The following RPE variants were observed in gnomAD, a reference collection of about 807,000 sequenced individuals.
The protein encoded by RPE is ribulose-5-phosphate-3-epimerase.
A neutral mutation model predicts 24.6 loss-of-function variants in RPE; 16 were observed. The ratio of observed to expected loss-of-function variants is 0.65; its 90% CI spans 0.44 to 0.99. The LOEUF (loss-of-function observed/expected upper bound fraction) is 0.99. Ranked by LOEUF, RPE falls within the 50% of genes least tolerant of loss-of-function variation. The pLI is 0.00. For synonymous variants in RPE, 93 were observed against 98.4 expected, an observed-to-expected ratio of 0.94 and a Z score of 0.33; for missense variants, 240 against 294.5, an observed-to-expected ratio of 0.81 and a Z score of 1.35.
At chr2:210,012,532 T>C (rs896986080) in intron 2 of RPE, among the ~76,000 whole-genome samples, 2 of 152,264 alleles carry the variant, frequency 1.3e-5, no homozygotes, top group African/African-American at 4.8e-5. Context: ...GCTGCATTGC[T>C]GCATACTGGA....
At chr2:210,018,349 C>A in intron 5 of RPE, 1 of 1,404,750 alleles carries the variant, frequency 7.1e-7, no homozygotes, top group African/African-American at 1.5e-5. Flanking sequence ...AAAATCTAGG[C>A]CTGATACCTC....
intron 5 of RPE, among the ~76,000 whole-genome samples, chr2:210,019,353 T>C (rs150098080): frequency 2.5e-3 from 376 of 152,278 alleles, no homozygotes; most frequent in African/African-American, 8.8e-3. Context: ...GGAAAAACCT[T>C]AGTGGACTTG....
chr2:210,017,464 T>C lies in RPE; in HGVS notation c.478-9T>C. Reference sequence around the variant, plus strand: ...TAGGAGTTACTTATTTCCTCATGTATATATCTAGGTTCACTGGTTGAGGAC... The same window carrying C: ...TAGGAGTTACTTATTTCCTCATGTACATATCTAGGTTCACTGGTTGAGGAC... On this transcript the variant is annotated splice_polypyrimidine_tract_variant and intron_variant, in intron 4 of 5. Coordinates refer to ENST00000359429, the MANE Select transcript of RPE (RefSeq NM_199229.3). 1 of 1,476,996 alleles carries C rather than the reference T, an allele frequency of 6.8e-7. No individual in the cohort carries two copies. Among genetic ancestry groups the C allele is most frequent in the South Asian group, 1.1e-5 (1 of 88,582 alleles). The allele number at this position is 1,476,996 out of a possible 1,614,324, so 91.5% of individuals were successfully genotyped here.
chr2:210,016,639 A>G lies in RPE; in HGVS notation c.475A>G (p.Lys159Glu), dbSNP rs2093776306. The change falls in exon 4 of 6, where the codon AAG becomes GAG. Residue 159 changes from lysine (K) to glutamate (E), a missense_variant and splice_region_variant. Transcript: ENST00000359429. ...GQKFMEDMMP[K>E]VHWLRTQFPS... ...GAAATTCATGGAAGATATGATGCCAAAGGTAAAAGAAGTATTTGATTTTGG... is the reference window on the plus strand; with the variant it reads ...GAAATTCATGGAAGATATGATGCCAGAGGTAAAAGAAGTATTTGATTTTGG... 2 of 1,614,204 alleles carry G rather than the reference A, an allele frequency of 1.2e-6. No individual in the cohort carries two copies. Among genetic ancestry groups the G allele is most frequent in the Admixed American group, 3.3e-5 (2 of 60,024 alleles).
chr2:210,018,728 G>A, intron 5 of RPE: 1 of 984,616 alleles, frequency 1.0e-6, no homozygotes, highest in African/African-American at 1.7e-5. Context: ...CAAATTTTTT[G>A]TGTGAAAAAT....
In RPE at chr2:210,016,823, G is replaced by C. The variant is rs377244433; in HGVS notation, c.477+182G>C. ...ATAGATTTCTGATTTGGAAATCAGA[G>C]AAGTATTACATCTTTATCTTGAAAT... On this transcript the variant is annotated intron_variant, in intron 4 of 5. Coordinates refer to ENST00000359429, the MANE Select transcript of RPE (RefSeq NM_199229.3). Among the ~76,000 whole-genome samples, 84 of 152,288 alleles carry C rather than the reference G, an allele frequency of 5.5e-4. 2 individuals carry two copies. In the South Asian group the frequency reaches 0.017, roughly 30 times the overall value.
chr2:210,003,611 G>C (rs2093592745), intron 1 of RPE: 3 of 397,750 alleles, frequency 7.5e-6, no homozygotes, highest in Non-Finnish European at 1.4e-5. Context: ...GATTGTGACA[G>C]ACTTGCAACT....
chr2:210,021,131 A>G lies in RPE; in HGVS notation c.*1340A>G, dbSNP rs948926467. On this transcript the variant is annotated 3_prime_UTR_variant, in exon 6 of 6. Transcript: ENST00000359429. Reference sequence around the variant, plus strand: ...TAAATATTTATAACTGTTCTGAATTATACAGAGTCTAAAAATATGTGTCAG... The same window carrying G: ...TAAATATTTATAACTGTTCTGAATTGTACAGAGTCTAAAAATATGTGTCAG... 2.0e-5 allele frequency: 3 copies of G among 152,160 alleles called. No homozygotes were observed. Among genetic ancestry groups the G allele is most frequent in the Non-Finnish European group, 2.9e-5 (2 of 67,976 alleles). The allele number at this position is 152,160 out of a possible 1,614,324, so 9.4% of individuals were successfully genotyped here.
chr2:210,007,531 T>C (rs1299671913), intron 1 of RPE, among the ~76,000 whole-genome samples: 1 of 152,240 alleles, frequency 6.6e-6, no homozygotes, highest in Non-Finnish European at 1.5e-5. Context: ...TTTAATGTGA[T>C]ACTACCAACC....
At chr2:210,017,901 T>C in intron 5 of RPE, 1 of 541,018 alleles carries the variant, frequency 1.8e-6, no homozygotes, top group Non-Finnish European at 3.3e-6. Flanking sequence ...CCTGCCACCA[T>C]GCTTGGCTAA....
chr2:210,021,785 G>T lies in RPE; in HGVS notation c.*1994G>T, dbSNP rs1399069172. 1 of 151,782 alleles carries T rather than the reference G, an allele frequency of 6.6e-6. No homozygotes were observed. The highest frequency in any genetic ancestry group is 6.6e-5 in the Admixed American group (1 of 15,204). 9.4% of individuals were successfully genotyped at this position (151,782 alleles called of 1,614,324 possible). On this transcript the variant is annotated 3_prime_UTR_variant, in exon 6 of 6. Transcript: ENST00000359429. ...TCAACTTTCACATAGGAAAAAAATG[G>T]TTTAATAGCTTCAAAAGGAATTTTC... is the stretch of plus-strand genomic sequence containing the variant.
Position 210,021,658 on chromosome 2 carries a change from A to G in RPE, c.*1867A>G, listed in dbSNP as rs576781742. ...ATCTCTAACAAAAACTTAGTGTCAA[A>G]TCTCACAGATAAGGCCAAATGGCCA... On this transcript the variant is annotated 3_prime_UTR_variant, in exon 6 of 6. Transcript: ENST00000359429. 16 of 152,632 alleles carry G rather than the reference A, an allele frequency of 1.0e-4. No individual in the cohort carries two copies. The South Asian group carries it at 2.9e-3, about 28-fold the overall frequency. The allele number at this position is 152,632 out of a possible 1,614,324, so 9.5% of individuals were successfully genotyped here. A position where few individuals can be genotyped will look rare whatever the true frequency, so the allele number is the denominator to read the frequency against.
Position 210,002,688 on chromosome 2 carries a change from G to A in RPE, c.27G>A (p.Pro9=). The A allele has an allele frequency of 6.2e-7, 1 of 1,614,014 alleles. No individual in the cohort carries two copies. The highest frequency in any genetic ancestry group is 2.2e-5 in the East Asian group (1 of 44,864). The change falls in exon 1 of 6, where the codon CCG becomes CCA. Residue 9 remains proline (P), a synonymous_variant. Transcript: ENST00000359429. MASGCKIG[P]SILNSDLANL... ...TGGCGTCGGGCTGCAAGATTGGCCC[G>A]TCCATCCTCAACAGCGACCTGGCCA... is the stretch of plus-strand genomic sequence containing the variant.
Position 210,018,454 on chromosome 2 carries a change from C to A in RPE, c.564+895C>A, listed in dbSNP as rs2093810306. The A allele has an allele frequency of 7.1e-6, 7 of 984,676 alleles. No homozygotes were observed. The South Asian group carries it at 1.9e-4, about 26-fold the overall frequency. 61.0% of individuals were successfully genotyped at this position (984,676 alleles called of 1,614,324 possible). Reference sequence around the variant, plus strand: ...TAGTCAGGCTCCTGAGGATGCCAGCCCTTCTGGTAGCACTGCAAGTGATTA... The same window carrying A: ...TAGTCAGGCTCCTGAGGATGCCAGCACTTCTGGTAGCACTGCAAGTGATTA... On this transcript the variant is annotated intron_variant, in intron 5 of 5. Coordinates refer to ENST00000359429, the MANE Select transcript of RPE (RefSeq NM_199229.3).
chr2:210,017,756 T>TC (rs1491403820), intron 5 of RPE, 197 bp downstream of exon 5: 12 of 596,268 alleles, frequency 2.0e-5, no homozygotes, highest in Admixed American at 1.8e-4. Context: ...TTTTTTTTTT[T>TC]CTTTTTCTGA....
rs1372110583 is a variant in RPE, at chr2:210,017,501, C to T, written c.506C>T (p.Ser169Phe). Reference protein sequence around the residue: ...KVHWLRTQFPSLDIEVDGGVG... With the variant: ...KVHWLRTQFPFLDIEVDGGVG... ...CACTGGTTGAGGACCCAGTTCCCAT[C>T]TTTGGATATAGAGGTCGATGGTGGA... The change falls in exon 5 of 6, where the codon TCT (serine) becomes TTT (phenylalanine). Residue 169 changes from serine (S) to phenylalanine (F), a missense_variant. By Grantham distance (155) the Ser-to-Phe change is radical. Coordinates refer to ENST00000359429, the MANE Select transcript of RPE (RefSeq NM_199229.3). 2 of 1,487,942 alleles carry T rather than the reference C, an allele frequency of 1.3e-6. No homozygotes were observed. The highest frequency in any genetic ancestry group is 2.9e-5 in the East Asian group (1 of 34,366). The allele number at this position is 1,487,942 out of a possible 1,614,324, so 92.2% of individuals were successfully genotyped here. A position where few individuals can be genotyped will look rare whatever the true frequency, so the allele number is the denominator to read the frequency against.
At chr2:210,017,136 C>T (rs111713401) in intron 4 of RPE, among the ~76,000 whole-genome samples, 2,522 of 152,236 alleles carry the variant, frequency 0.017, 67 homozygotes, top group African/African-American at 0.056. Flanking sequence ...CAGCCAACCA[C>T]GCCTGGAAGT....
chr2:210,019,841 A>G lies in RPE; in HGVS notation c.*50A>G. 6.3e-7 allele frequency: 1 copy of G among 1,576,958 alleles called. No homozygotes were observed. On this transcript the variant is annotated 3_prime_UTR_variant, in exon 6 of 6. Transcript: ENST00000359429. ...GTTCATGAAATCTCCCTTTTACTGG[A>G]AAACAGGAATATTGACTACCAAATC...
At position 210,019,855 on chromosome 2, in the gene RPE, G is replaced by T; in HGVS notation, c.*64G>T. ...CCTTTTACTGGAAAACAGGAATATT[G>T]ACTACCAAATCACAATGCAATTGAA... On this transcript the variant is annotated 3_prime_UTR_variant, in exon 6 of 6. Coordinates refer to ENST00000359429, the MANE Select transcript of RPE (RefSeq NM_199229.3). 1.9e-6 allele frequency: 3 copies of T among 1,549,180 alleles called. No homozygotes were observed. The highest frequency in any genetic ancestry group is 2.6e-6 in the Non-Finnish European group (3 of 1,144,298).
Sources: allele counts gnomAD v4.1 joint callset (sites outside exome capture counted in the v4.1 genomes callset), GRCh38; gene constraint gnomAD v4.1.1; transcripts MANE v1.5; gene names NCBI Gene and HGNC (gene_info 2026-07-23, HGNC 2026-07-21).